The following MCMBP variants were observed in gnomAD, a reference collection of about 807,000 sequenced individuals.
The protein encoded by MCMBP is mini-chromosome maintenance complex-binding protein.
Under a neutral mutation model 81.3 loss-of-function variants are expected in MCMBP, and 31 were observed. That is an observed-to-expected ratio of 0.38 (90% CI 0.29 to 0.51). The LOEUF (loss-of-function observed/expected upper bound fraction) is 0.51, where lower values mean the gene tolerates loss of function less well. MCMBP is among the 20% of genes least tolerant of loss of function. The probability of loss-of-function intolerance (pLI) is 0.87; values close to 1 mark genes in which losing one functional copy is unlikely to be tolerated. For missense variants in MCMBP, 645 were observed against 772.1 expected (o/e 0.84, Z 1.95); for synonymous variants, 267 against 275.9 (o/e 0.97, Z 0.32).
chr10:119,847,564 G>GA (rs1564877406), intron 8 of MCMBP, 49 bp downstream of exon 8: 1 of 1,159,856 alleles, frequency 8.6e-7, no homozygotes, highest in Non-Finnish European at 1.2e-6. Flanking sequence ...CTGAAAACTT[G>GA]AAATTATATA....
intron 1 of MCMBP, among the ~76,000 whole-genome samples, chr10:119,862,875 C>T (rs1004344467): frequency 6.6e-6 from 1 of 152,216 alleles, no homozygotes; most frequent in Non-Finnish European, 1.5e-5. Flanking sequence ...AATATCATGG[C>T]TTAAATTTGC....
rs71673657 is a variant in MCMBP at position 119,830,735 on chromosome 10, CT to C, written c.*738del. 0.11 allele frequency: 16,500 copies of C among 152,544 alleles called. 944 individuals are homozygous for C. Among genetic ancestry groups the C allele is most frequent in the South Asian group, 0.17 (800 of 4,820 alleles). 9.4% of individuals were successfully genotyped at this position (152,544 alleles called of 1,614,324 possible). On this transcript the variant is annotated 3_prime_UTR_variant, in exon 16 of 16. Coordinates refer to ENST00000369077, the MANE Select transcript of MCMBP (RefSeq NM_001256378.2). ...TCCTCTTATTCAGAGATAGATTGTC[CT>C]TTCCTTTTATGAAAAAAATGGTGAT...
rs1301258461 is a variant in MCMBP, at chr10:119,830,115, A to T, written c.*1359T>A. The T allele has an allele frequency of 3.3e-5, 5 of 152,680 alleles. No individual in the cohort carries two copies. The highest frequency in any genetic ancestry group is 3.3e-4 in the Admixed American group (5 of 15,274). The allele number at this position is 152,680 out of a possible 1,614,324, so 9.5% of individuals were successfully genotyped here. A position where few individuals can be genotyped will look rare whatever the true frequency, so the allele number is the denominator to read the frequency against. On this transcript the variant is annotated 3_prime_UTR_variant, in exon 16 of 16. Transcript: ENST00000369077. ...GATTTGAGTTTAGGAAAAGTTGAAC[A>T]ACTAGTTATTTTTACTTCAGTTATT...
chr10:119,849,556 A>G lies in MCMBP; in HGVS notation c.595T>C (p.Trp199Arg), dbSNP rs747280923. 13 of 1,594,674 alleles carry G rather than the reference A, an allele frequency of 8.2e-6. No homozygotes were observed. Among genetic ancestry groups the G allele is most frequent in the Non-Finnish European group, 1.1e-5 (13 of 1,174,444 alleles). Residue 199 changes from tryptophan (W) to arginine (R), a missense_variant, in exon 7 of 16, where the codon TGG becomes CGG. By Grantham distance (101) the Trp-to-Arg change is moderately radical (BLOSUM62 -3). Transcript: ENST00000369077. ...RQAGSVGGLQ[W>R]CGEPKRLETE... ...TCTAAACGTTTTGGCTCTCCACACC[A>G]TTGAAGACCACCAACACTCCCTAAA...
intron 5 of MCMBP, among the ~76,000 whole-genome samples, chr10:119,856,536 G>A (rs915038757): frequency 3.3e-5 from 5 of 152,182 alleles, no homozygotes; most frequent in African/African-American, 4.8e-5. Context: ...TGCTTGCAGG[G>A]GAGGAGGTAG....
intron 1 of MCMBP, among the ~76,000 whole-genome samples, chr10:119,868,179 C>G (rs12771330): frequency 0.054 from 8,284 of 152,296 alleles, 414 homozygotes; most frequent in South Asian, 0.26. Context: ...GATCTCAGCA[C>G]TCTGGGAGGC....
At chr10:119,871,272 C>T (rs1853661190) in intron 1 of MCMBP, among the ~76,000 whole-genome samples, 1 of 152,006 alleles carries the variant, frequency 6.6e-6, no homozygotes, top group Non-Finnish European at 1.5e-5. Context: ...TTCTTATGAA[C>T]ATAAATTACT....
At chr10:119,839,985 C>G (rs1454775684) in intron 11 of MCMBP, among the ~76,000 whole-genome samples, 1 of 152,190 alleles carries the variant, frequency 6.6e-6, no homozygotes, top group Non-Finnish European at 1.5e-5. Flanking sequence ...AAGAGATTTG[C>G]AAGAATGTAA....
intron 1 of MCMBP, among the ~76,000 whole-genome samples, chr10:119,864,578 TATTG>T (rs1388171439): frequency 6.6e-6 from 1 of 151,254 alleles, no homozygotes; most frequent in Non-Finnish European, 1.5e-5. Flanking sequence ...TTTACAATTT[TATTG>T]ATTTTTTTTT....
rs371911702 is a variant in MCMBP at position 119,872,600 on chromosome 10, G to A, written c.-16C>T. 1.1e-3 allele frequency: 1,250 copies of A among 1,168,522 alleles called. 14 individuals are homozygous for A. In the African/African-American group the frequency reaches 0.019, roughly 18 times the overall value. 72.4% of individuals were successfully genotyped at this position (1,168,522 alleles called of 1,614,324 possible). A position where few individuals can be genotyped will look rare whatever the true frequency, so the allele number is the denominator to read the frequency against. On this transcript the variant is annotated 5_prime_UTR_variant, in exon 1 of 16. Coordinates refer to ENST00000369077, the MANE Select transcript of MCMBP (RefSeq NM_001256378.2). ...CACACGGCATCTCGCCAGGGGCCGG[G>A]GCCGGCGAAGACCGGGCGGAGGCGA... is the stretch of plus-strand genomic sequence containing the variant.
At chr10:119,857,748 T>A (rs1853103713) in intron 4 of MCMBP, 1 of 177,504 alleles carries the variant, frequency 5.6e-6, no homozygotes, top group Admixed American at 6.0e-5. Context: ...CTAGGCCTTT[T>A]TATATTCTTA....
Position 119,858,864 on chromosome 10 carries a change from T to C in MCMBP, c.327+20A>G. On this transcript the variant is annotated intron_variant, in intron 4 of 15. Transcript: ENST00000369077. The stretch of plus-strand genomic sequence containing the variant: ...AAAAATTCTTACTAAAAATGTTTCA[T>C]ATATATTAAAGATACATACCCCACA... 6.5e-7 allele frequency: 1 copy of C among 1,550,128 alleles called. No individual in the cohort carries two copies. The highest frequency in any genetic ancestry group is 8.8e-7 in the Non-Finnish European group (1 of 1,140,296).
intron 9 of MCMBP, 172 bp from the exon 10 acceptor site, chr10:119,842,767 C>CTTTTT: frequency 4.1e-6 from 2 of 487,490 alleles, no homozygotes; most frequent in Non-Finnish European, 6.7e-6. Context: ...TTGCATCCTC[C>CTTTTT]TTTTTTTTTT....
At position 119,831,104 on chromosome 10, in the gene MCMBP, A is replaced by G. The variant is rs967263521; in HGVS notation, c.*370T>C. 3 of 157,394 alleles carry G rather than the reference A, an allele frequency of 1.9e-5. No homozygotes were observed. Among genetic ancestry groups the G allele is most frequent in the Admixed American group, 6.5e-5 (1 of 15,488 alleles). 9.7% of individuals were successfully genotyped at this position (157,394 alleles called of 1,614,324 possible). A position where few individuals can be genotyped will look rare whatever the true frequency, so the allele number is the denominator to read the frequency against. ...AGAAATCCGAAGCACGATTCCTCTG[A>G]CTTTGAAACTGCAACAACCTTCTTC... On this transcript the variant is annotated 3_prime_UTR_variant, in exon 16 of 16. Transcript: ENST00000369077.
chr10:119,855,409 C>T (rs1040847797), intron 5 of MCMBP, among the ~76,000 whole-genome samples: 2 of 152,194 alleles, frequency 1.3e-5, no homozygotes, highest in East Asian at 3.9e-4. Context: ...CGGTGGCTCA[C>T]GCCTGTAATC....
Position 119,856,195 on chromosome 10 carries a change from C to G in MCMBP, c.429+1143G>C, listed in dbSNP as rs568910983. ...CAAGATCACGCTACTGCACTTCAGA[C>G]TAGCAGCAGAGCAAGACTCCATCTC... On this transcript the variant is annotated intron_variant, in intron 5 of 15. Transcript: ENST00000369077. Among the ~76,000 whole-genome samples the G allele has an allele frequency of 7.2e-5, 11 of 152,288 alleles. No homozygotes were observed. In the Middle Eastern group the frequency reaches 0.01, roughly 141 times the overall value.
chr10:119,842,393 A>G, intron 10 of MCMBP, 79 bp downstream of exon 10: 1 of 1,499,100 alleles, frequency 6.7e-7, no homozygotes. Context: ...AAACACACAA[A>G]TGACACCAGC....
intron 1 of MCMBP, among the ~76,000 whole-genome samples, chr10:119,861,441 C>T: frequency 6.6e-6 from 1 of 152,092 alleles, no homozygotes; most frequent in East Asian, 1.9e-4. Flanking sequence ...GGGGTGGGGC[C>T]TAGCAATTCA....
chr10:119,861,728 T>G (rs940671108), intron 1 of MCMBP, among the ~76,000 whole-genome samples: 1 of 152,124 alleles, frequency 6.6e-6, no homozygotes, highest in Non-Finnish European at 1.5e-5. Context: ...GTTACTTGAA[T>G]GTATATAAAT....
Sources: gnomAD v4.1 joint callset for allele counts (sites outside exome capture counted in the v4.1 genomes callset) on GRCh38, gnomAD v4.1.1 for gene constraint, MANE v1.5 for transcripts, NCBI Gene and HGNC (gene_info 2026-07-23, HGNC 2026-07-21) for gene names.